BAHCC1: variants seen among roughly 807,000 people sequenced by gnomAD.
The protein encoded by BAHCC1 is BAH domain and coiled-coil containing 1, also known as BAH and coiled-coil domain-containing protein 1.
Under a neutral mutation model 88.2 loss-of-function variants are expected in BAHCC1, and 43 were observed. The observed-to-expected ratio is 0.49, with a 90% CI of 0.38 to 0.63. BAHCC1 has a LOEUF of 0.63. BAHCC1 is among the 20% of genes least tolerant of loss of function. The pLI is 0.00. For missense variants in BAHCC1, 3,023 were observed against 1,654.8 expected, an observed-to-expected ratio of 1.83 and a Z score of -14.34; for synonymous variants, 1,510 against 745.5, an observed-to-expected ratio of 2.03 and a Z score of -16.71.
chr17:81,398,963 C>T (rs138994027), intron 1 of BAHCC1, among the ~76,000 whole-genome samples: 21 of 151,286 alleles, frequency 1.4e-4, no homozygotes, highest in Non-Finnish European at 2.5e-4. Flanking sequence ...GAGTTACAAT[C>T]AATAAAATTA....
intron 3 of BAHCC1, among the ~76,000 whole-genome samples, chr17:81,432,606 C>CCCAT (rs2064276399): frequency 7.9e-6 from 1 of 127,180 alleles, no homozygotes; most frequent in African/African-American, 3.0e-5. Context: ...GACCCAACCT[C>CCCAT]CGTCCCCAGC....
At chr17:81,397,469 GGCACCCCCGCGTGC>G (rs1298037181) in intron 1 of BAHCC1, among the ~76,000 whole-genome samples, 3 of 150,962 alleles carry the variant, frequency 2.0e-5, no homozygotes, top group African/African-American at 4.9e-5. Flanking sequence ...CAGGAAGCCT[GGCACCCCCGCGTGC>G]GCAGCCCCCG....
chr17:81,414,955 G>A (rs868935435), intron 2 of BAHCC1, among the ~76,000 whole-genome samples: 30 of 152,184 alleles, frequency 2.0e-4, no homozygotes, highest in African/African-American at 7.0e-4. Context: ...TACCCGCCAC[G>A]GTGTACTATC....
At chr17:81,409,972 AGCCACCTTGGCTGCAGCT>A (rs1373845015) in intron 2 of BAHCC1, 1 of 237,054 alleles carries the variant, frequency 4.2e-6, no homozygotes, top group African/African-American at 2.3e-5. Flanking sequence ...GGCCCTGCCA[AGCCACCTTGGCTGCAGCT>A]GCCCCGGCCT....
rs781900520 is a variant in BAHCC1 at position 81,458,298 on chromosome 17, G to T, written c.5175G>T (p.Lys1725Asn). 3 of 750,460 alleles carry T rather than the reference G, an allele frequency of 4.0e-6. No individual in the cohort carries two copies. In the Admixed American group the frequency reaches 5.5e-5, roughly 14 times the overall value. 46.5% of individuals were successfully genotyped at this position (750,460 alleles called of 1,614,324 possible). ...GTGCGCTGGGCAAGAAGAAAGCCAAGGGCAAGGCCAAGGGCAGCCTGCGGG... is the reference window on the plus strand; with the variant it reads ...GTGCGCTGGGCAAGAAGAAAGCCAATGGCAAGGCCAAGGGCAGCCTGCGGG... ...PPGALGKKKA[K>N]GKAKGSLRAE... is the part of the protein sequence containing the mutation. The change falls in exon 18 of 28, where the codon AAG becomes AAT. Residue 1725 changes from lysine (K) to asparagine (N), a missense_variant. By Grantham distance (94) the Lys-to-Asn change is moderately conservative. Transcript: ENST00000675386.
At chr17:81,427,687 C>T (rs1032894699) in intron 3 of BAHCC1, among the ~76,000 whole-genome samples, 3 of 152,202 alleles carry the variant, frequency 2.0e-5, no homozygotes, top group Non-Finnish European at 4.4e-5. Flanking sequence ...GGTATTCCCT[C>T]GGCCACCCCA....
At chr17:81,402,959 A>C (rs1240306061) in intron 2 of BAHCC1, 1 of 152,266 alleles carries the variant, frequency 6.6e-6, no homozygotes. Flanking sequence ...AAAAGGTGCA[A>C]TTAAAATGTT....
In BAHCC1 at chr17:81,435,484, G is replaced by C. The variant is rs563388325; in HGVS notation, c.359-2886G>C. ...CCTGTGTCCTGACCACCTCTCTGGC[G>C]GTTCGCTTAGCCCAGGGCTTGCCCT... is the stretch of plus-strand genomic sequence containing the variant. On this transcript the variant is annotated intron_variant, in intron 3 of 27. Transcript: ENST00000675386. This position sits in a 1 kb window ranked among gnomAD's most constrained non-coding sequence, Gnocchi z 4.4. 1 of 470,964 alleles carries C rather than the reference G, an allele frequency of 2.1e-6. No individual in the cohort carries two copies. Among genetic ancestry groups the C allele is most frequent in the African/African-American group, 2.0e-5 (1 of 50,174 alleles). 29.2% of individuals were successfully genotyped at this position (470,964 alleles called of 1,614,324 possible).
rs1555656225 is a variant in BAHCC1 at position 81,452,855 on chromosome 17, A to G, written c.4445+4A>G. On this transcript the variant is annotated splice_donor_region_variant and intron_variant, in intron 14 of 27. Coordinates refer to ENST00000675386, the MANE Select transcript of BAHCC1 (RefSeq NM_001377448.1). ...GGAGCGATGGCAAGAAAGTCAAGTG[A>G]GTCCTGGGCACTGGCATGGCAGGGC... 1.4e-6 allele frequency: 1 copy of G among 739,636 alleles called. No homozygotes were observed. The highest frequency in any genetic ancestry group is 1.4e-5 in the South Asian group (1 of 69,356). The allele number at this position is 739,636 out of a possible 1,614,324, so 45.8% of individuals were successfully genotyped here. A position where few individuals can be genotyped will look rare whatever the true frequency, so the allele number is the denominator to read the frequency against.
At chr17:81,404,960 C>T (rs542628017) in intron 2 of BAHCC1, among the ~76,000 whole-genome samples, 4 of 152,242 alleles carry the variant, frequency 2.6e-5, no homozygotes, top group Admixed American at 1.3e-4. Flanking sequence ...GGTCTCCCCA[C>T]GAAAATAAGA....
Position 81,442,248 on chromosome 17 carries a change from C to T in BAHCC1, c.899C>T (p.Ala300Val), listed in dbSNP as rs781976545. ...LNGEMGRAALASCAGGMLGRP... is the reference protein window; with the variant it reads ...LNGEMGRAALVSCAGGMLGRP... ...GGCGAGATGGGCAGGGCTGCGCTAG[C>T]CAGCTGTGCAGGGGGCATGCTGGGG... The change falls in exon 5 of 28, where the codon GCC (alanine) becomes GTC (valine). Residue 300 changes from alanine (A) to valine (V), a missense_variant. Coordinates refer to ENST00000675386, the MANE Select transcript of BAHCC1 (RefSeq NM_001377448.1). 1 of 630,280 alleles carries T rather than the reference C, an allele frequency of 1.6e-6. No individual in the cohort carries two copies. The highest frequency in any genetic ancestry group is 2.8e-5 in the East Asian group (1 of 35,522). The allele number at this position is 630,280 out of a possible 1,614,324, so 39.0% of individuals were successfully genotyped here.
rs2064317512 is a variant in BAHCC1, at chr17:81,435,068, A to C, written c.359-3302A>C. On this transcript the variant is annotated intron_variant, in intron 3 of 27. Transcript: ENST00000675386. This position sits in a 1 kb window ranked among gnomAD's most constrained non-coding sequence, Gnocchi z 4.4. ...CCATTTCTCTGCACGGTGCCCTCCC[A>C]CTCCTCTGTCCTTCAGCCCTGCCCC... 2.0e-5 allele frequency among the ~76,000 whole-genome samples: 3 copies of C among 148,622 alleles called. No individual in the cohort carries two copies. Among genetic ancestry groups the C allele is most frequent in the African/African-American group, 2.5e-5 (1 of 39,998 alleles).
In BAHCC1 at chr17:81,404,038, C is replaced by T. The variant is rs138131825; in HGVS notation, c.178+4121C>T. On this transcript the variant is annotated intron_variant, in intron 2 of 27. Transcript: ENST00000675386. Reference sequence around the variant, plus strand: ...GCGTTGTGCAAATAGCACATCTCCCCTGGAAAACGCGCGTCCCCCCAAACG... The same window carrying T: ...GCGTTGTGCAAATAGCACATCTCCCTTGGAAAACGCGCGTCCCCCCAAACG... 6.2e-3 allele frequency among the ~76,000 whole-genome samples: 944 copies of T among 152,354 alleles called. 4 individuals are homozygous for T. Among genetic ancestry groups the T allele is most frequent in the Non-Finnish European group, 0.01 (710 of 68,044 alleles).
rs1555660131 is a variant in BAHCC1 at position 81,463,807 on chromosome 17, T to A, written c.7817T>A (p.Ile2606Asn). The A allele has an allele frequency of 1.4e-6, 1 of 735,320 alleles. No individual in the cohort carries two copies. Among genetic ancestry groups the A allele is most frequent in the Non-Finnish European group, 2.5e-6 (1 of 401,270 alleles). 45.5% of individuals were successfully genotyped at this position (735,320 alleles called of 1,614,324 possible). A position where few individuals can be genotyped will look rare whatever the true frequency, so the allele number is the denominator to read the frequency against. The change falls in exon 28 of 28, where the codon ATC (isoleucine) becomes AAC (asparagine). Residue 2606 changes from isoleucine (I) to asparagine (N), a missense_variant. Coordinates refer to ENST00000675386, the MANE Select transcript of BAHCC1 (RefSeq NM_001377448.1). Reference sequence around the variant, plus strand: ...CTGGTGACGGCTGATGGCGTGCCCATCCTATGCTGAGCCGCCCACCGCAGA... The same window carrying A: ...CTGGTGACGGCTGATGGCGTGCCCAACCTATGCTGAGCCGCCCACCGCAGA... Reference protein sequence around the residue: ...GRLVTADGVPILC With the variant: ...GRLVTADGVPNLC
At chr17:81,406,587 C>T (rs1430873015) in intron 2 of BAHCC1, among the ~76,000 whole-genome samples, 3 of 152,280 alleles carry the variant, frequency 2.0e-5, no homozygotes, top group Non-Finnish European at 4.4e-5. Flanking sequence ...TCCGCTCGGG[C>T]TCCGCCCGCT....
At chr17:81,422,370 A>G (rs953402460) in intron 2 of BAHCC1, among the ~76,000 whole-genome samples, 13 of 152,242 alleles carry the variant, frequency 8.5e-5, no homozygotes, top group Admixed American at 8.5e-4. Flanking sequence ...TAATGTTTGT[A>G]TGACAAGGAG....
Position 81,461,643 on chromosome 17 carries a change from C to T in BAHCC1, c.6980C>T (p.Ser2327Phe). ...SSSSSGSSTS[S>F]SSGSVSTSSL... ...TCCTCCTCTGGCTCGTCCACCTCCT[C>T]CTCCTCAGGCTCCGTGTCCACCTCC... The change falls in exon 26 of 28, where the codon TCC becomes TTC. Residue 2327 changes from serine (S) to phenylalanine (F), a missense_variant. By Grantham distance (155) the Ser-to-Phe change is radical. Transcript: ENST00000675386. 1 of 737,818 alleles carries T rather than the reference C, an allele frequency of 1.4e-6. No homozygotes were observed. Among genetic ancestry groups the T allele is most frequent in the East Asian group, 2.5e-5 (1 of 39,372 alleles). 45.7% of individuals were successfully genotyped at this position (737,818 alleles called of 1,614,324 possible).
At chr17:81,462,462 T>G in intron 26 of BAHCC1, 1 of 522,650 alleles carries the variant, frequency 1.9e-6, no homozygotes, top group Non-Finnish European at 3.4e-6. Flanking sequence ...TAAATAACAC[T>G]GTGGTGAACG....
Position 81,459,238 on chromosome 17 carries a change from C to T in BAHCC1, c.5721-15C>T, listed in dbSNP as rs376186670. On this transcript the variant is annotated splice_polypyrimidine_tract_variant and intron_variant, in intron 21 of 27. Coordinates refer to ENST00000675386, the MANE Select transcript of BAHCC1 (RefSeq NM_001377448.1). ...ACCGAGACCCGTGGCACCTCACATT[C>T]CCCAATGCCCCCAGCTATAGCATCG... The T allele has an allele frequency of 9.0e-6, 7 of 777,996 alleles. No homozygotes were observed. Among genetic ancestry groups the T allele is most frequent in the Non-Finnish European group, 1.7e-5 (7 of 417,064 alleles). 48.2% of individuals were successfully genotyped at this position (777,996 alleles called of 1,614,324 possible).
Sources: gnomAD v4.1 joint callset for allele counts (sites outside exome capture counted in the v4.1 genomes callset) on GRCh38, gnomAD v4.1.1 for gene constraint, Gnocchi (gnomAD v3.1) non-coding constraint, MANE v1.5 for transcripts, NCBI Gene and HGNC (gene_info 2026-07-23, HGNC 2026-07-21) for gene names.